Variants in ASH1L observed in about 807,000 individuals in gnomAD.
The protein encoded by ASH1L is ASH1 like histone lysine methyltransferase.
A neutral mutation model predicts 269.0 loss-of-function variants in ASH1L; 23 were observed. The observed-to-expected ratio is 0.09, with a 90% CI of 0.06 to 0.12. The LOEUF (loss-of-function observed/expected upper bound fraction) is 0.12, where lower values mean the gene tolerates loss of function less well. ASH1L is among the 10% of genes least tolerant of loss of function. ASH1L has a pLI of 1.00. For missense variants in ASH1L, 2,912 were observed against 3,567.8 expected (o/e 0.82, Z 4.68); for synonymous variants, 1,187 against 1,253.5 (o/e 0.95, Z 1.12).
At chr1:155,468,460 A>G (rs1255057082) in intron 3 of ASH1L, among the ~76,000 whole-genome samples, 1 of 152,116 alleles carries the variant, frequency 6.6e-6, no homozygotes, top group Admixed American at 6.6e-5. Context: ...AGTGTGTTCT[A>G]CATATATTAT....
intron 1 of ASH1L, among the ~76,000 whole-genome samples, chr1:155,532,116 C>CA (rs2148869034): frequency 6.6e-6 from 1 of 152,300 alleles, no homozygotes. Flanking sequence ...AGAATCTCTT[C>CA]ACTCAAACAG....
At chr1:155,373,821 C>T (rs1160255769) in intron 10 of ASH1L, among the ~76,000 whole-genome samples, 1 of 152,070 alleles carries the variant, frequency 6.6e-6, no homozygotes, top group African/African-American at 2.4e-5. Context: ...GCACACGCCA[C>T]CATGCCCAGT....
chr1:155,484,175 G>A (rs1460344827), intron 2 of ASH1L, among the ~76,000 whole-genome samples: 2 of 152,152 alleles, frequency 1.3e-5, no homozygotes, highest in Admixed American at 1.3e-4. Context: ...ATAAAGGAAA[G>A]CATCCCAGAT....
chr1:155,463,253 G>A (rs551467107), intron 3 of ASH1L, among the ~76,000 whole-genome samples: 40 of 152,190 alleles, frequency 2.6e-4, no homozygotes, highest in Middle Eastern at 3.4e-3. Context: ...GTGCGATATC[G>A]TGTTCAGTAC....
intron 2 of ASH1L, among the ~76,000 whole-genome samples, chr1:155,512,448 CT>C (rs1217608016): frequency 0.046 from 4,352 of 93,620 alleles, 85 homozygotes; most frequent in African/African-American, 0.09. Flanking sequence ...GGATCTTAGA[CT>C]TTTTTTTTTT....
chr1:155,539,130 T>C (rs774914307), intron 1 of ASH1L, among the ~76,000 whole-genome samples: 1 of 151,988 alleles, frequency 6.6e-6, no homozygotes, highest in Non-Finnish European at 1.5e-5. Context: ...TCTTTTGGTA[T>C]CTTTTTAATT....
chr1:155,416,282 C>T (rs1248886973), intron 5 of ASH1L, among the ~76,000 whole-genome samples: 1 of 151,584 alleles, frequency 6.6e-6, no homozygotes, highest in African/African-American at 2.4e-5. Flanking sequence ...AGGGGCACGC[C>T]ACCAGTTTTG....
chr1:155,353,840 A>G (rs1654132878), intron 16 of ASH1L, among the ~76,000 whole-genome samples: 1 of 152,018 alleles, frequency 6.6e-6, no homozygotes, highest in Non-Finnish European at 1.5e-5. Flanking sequence ...CCCCACCCCA[A>G]TTTCCCCAGT....
rs552315248 is a variant in ASH1L at position 155,420,373 on chromosome 1, A to C, written c.5829-4450T>G. On this transcript the variant is annotated intron_variant, in intron 5 of 27. Coordinates refer to ENST00000392403, the MANE Select transcript of ASH1L (RefSeq NM_018489.3). ...AATGAGACTCCATCTCAAAAAAAAA[A>C]AAAAACAAAAACAAAAAAACAAGAA... Among the ~76,000 whole-genome samples, 204 of 151,114 alleles carry C rather than the reference A, an allele frequency of 1.3e-3. 1 individual carries two copies. Among genetic ancestry groups the C allele is most frequent in the Middle Eastern group, 3.4e-3 (1 of 290 alleles).
chr1:155,339,413 G>C (rs1340620875), intron 25 of ASH1L, 45 bp from the exon 26 acceptor site: 1 of 1,588,166 alleles, frequency 6.3e-7, no homozygotes, highest in Non-Finnish European at 8.6e-7. Flanking sequence ...TAGAAGCTGG[G>C]AGAGCTAGCT....
At chr1:155,538,641 CTTTTTT>C (rs35340905) in intron 1 of ASH1L, among the ~76,000 whole-genome samples, 2 of 107,966 alleles carry the variant, frequency 1.9e-5, no homozygotes, top group African/African-American at 3.4e-5. Context: ...TGTACCCAGC[CTTTTTT>C]TTTTTTTTTT....
rs183228783 is a variant in ASH1L, at chr1:155,449,668, C to T, written c.5086+10129G>A. ...CTGAGTAGCTGGGACTACAGGCGCCCGCCACCATGCCTGGCTACTTTTTTG... is the reference window on the plus strand; with the variant it reads ...CTGAGTAGCTGGGACTACAGGCGCCTGCCACCATGCCTGGCTACTTTTTTG... On this transcript the variant is annotated intron_variant, in intron 4 of 27. Coordinates refer to ENST00000392403, the MANE Select transcript of ASH1L (RefSeq NM_018489.3). 1.9e-3 allele frequency among the ~76,000 whole-genome samples: 295 copies of T among 152,016 alleles called. 1 individual carries two copies. Among genetic ancestry groups the T allele is most frequent in the African/African-American group, 6.5e-3 (269 of 41,482 alleles).
intron 1 of ASH1L, among the ~76,000 whole-genome samples, chr1:155,529,799 A>G (rs1317343889): frequency 6.6e-6 from 1 of 151,952 alleles, no homozygotes; most frequent in East Asian, 1.9e-4. Flanking sequence ...TAAAGATCCA[A>G]TTTAATTTGT....
rs12040666 is a variant in ASH1L at position 155,394,014 on chromosome 1, G to A, written c.6103+1445C>T. Among the ~76,000 whole-genome samples the A allele has an allele frequency of 3.3e-5, 5 of 152,208 alleles. No individual in the cohort carries two copies. In the East Asian group the frequency reaches 9.6e-4, roughly 29 times the overall value. On this transcript the variant is annotated intron_variant, in intron 7 of 27. Coordinates refer to ENST00000392403, the MANE Select transcript of ASH1L (RefSeq NM_018489.3). The stretch of plus-strand genomic sequence containing the variant: ...AATATTGTAATTATAGATATAGAGA[G>A]TGATGTTATCTAGAACAAAGAGAGA...
chr1:155,380,871 C>T (rs997294899), intron 7 of ASH1L, among the ~76,000 whole-genome samples: 2 of 151,206 alleles, frequency 1.3e-5, no homozygotes, highest in Non-Finnish European at 2.9e-5. Context: ...AACTCCTGAC[C>T]TAAGGTGGTC....
chr1:155,427,166 G>C (rs1471402069), intron 5 of ASH1L, among the ~76,000 whole-genome samples: 4 of 134,026 alleles, frequency 3.0e-5, no homozygotes, highest in Non-Finnish European at 6.1e-5. Context: ...ACAGAGTCTC[G>C]CTCTGTCACC....
chr1:155,476,015 T>C (rs1665509725), intron 3 of ASH1L, among the ~76,000 whole-genome samples: 1 of 152,230 alleles, frequency 6.6e-6, no homozygotes, highest in South Asian at 2.1e-4. Context: ...GGTAAATACC[T>C]GATATTCAGT....
At chr1:155,523,721 A>G (rs1177766217) in intron 1 of ASH1L, among the ~76,000 whole-genome samples, 1 of 152,086 alleles carries the variant, frequency 6.6e-6, no homozygotes, top group East Asian at 1.9e-4. Context: ...AAGTACAAAA[A>G]TCAGCTGAGT....
At chr1:155,384,576 T>A (rs1657258667) in intron 7 of ASH1L, among the ~76,000 whole-genome samples, 1 of 152,116 alleles carries the variant, frequency 6.6e-6, no homozygotes, top group Admixed American at 6.6e-5. Flanking sequence ...ATTTTTTTTG[T>A]ATTTTTTGTA....
Sources: allele counts gnomAD v4.1 joint callset (sites outside exome capture counted in the v4.1 genomes callset), GRCh38; gene constraint gnomAD v4.1.1; transcripts MANE v1.5; gene names NCBI Gene and HGNC (gene_info 2026-07-23, HGNC 2026-07-21).